Variants in UNC5D observed in about 807,000 individuals in gnomAD.
UNC5D encodes the protein unc-5 netrin receptor D, also known as netrin receptor UNC5D.
Under a neutral mutation model 105.4 loss-of-function variants are expected in UNC5D, and 39 were observed. The observed-to-expected ratio is 0.37, with a 90% CI of 0.29 to 0.48. The LOEUF (loss-of-function observed/expected upper bound fraction) is 0.48, where lower values mean the gene tolerates loss of function less well. Among genes scored for constraint, UNC5D ranks in the 20% least tolerant of loss-of-function variants. The probability of loss-of-function intolerance (pLI) is 0.98; values close to 1 mark genes in which losing one functional copy is unlikely to be tolerated. For synonymous variants in UNC5D, 452 were observed against 450.4 expected (o/e 1.00, Z -0.04); for missense variants, 991 against 1,202.4 (o/e 0.82, Z 2.60).
chr8:35,589,322 ATTAAG>A (rs1391531876), intron 3 of UNC5D, among the ~76,000 whole-genome samples: 5 of 151,874 alleles, frequency 3.3e-5, no homozygotes, highest in South Asian at 4.1e-4. Flanking sequence ...CCCCTATATT[ATTAAG>A]TTATTAGCAA....
At chr8:35,762,295 C>T (rs752223197) in intron 14 of UNC5D, among the ~76,000 whole-genome samples, 9 of 152,070 alleles carry the variant, frequency 5.9e-5, no homozygotes, top group African/African-American at 9.7e-5. Context: ...CTGAGATATG[C>T]GATGAGAGCC....
intron 10 of UNC5D, 138 bp downstream of exon 10, chr8:35,726,667 A>C: frequency 7.5e-7 from 1 of 1,331,992 alleles, no homozygotes; most frequent in Non-Finnish European, 1.0e-6. Context: ...CCACTAGTCC[A>C]CTTGATTTAC....
At chr8:35,598,883 C>T (rs1337273517) in intron 4 of UNC5D, among the ~76,000 whole-genome samples, 2 of 152,122 alleles carry the variant, frequency 1.3e-5, no homozygotes, top group East Asian at 3.9e-4. Flanking sequence ...TGGCTCATGC[C>T]TGTAATCCCA....
chr8:35,253,219 G>A lies in UNC5D; in HGVS notation c.103+17332G>A, dbSNP rs554293362. Among the ~76,000 whole-genome samples the A allele has an allele frequency of 3.9e-5, 6 of 151,994 alleles. No individual in the cohort carries two copies. In the East Asian group the frequency reaches 1.2e-3, roughly 30 times the overall value. On this transcript the variant is annotated intron_variant, in intron 1 of 16. Coordinates refer to ENST00000404895, the MANE Select transcript of UNC5D (RefSeq NM_080872.4). ...TCCCCACTTGTTTTAGGTATCTTCT[G>A]ATGAAGTGGAGTTATTTATGGTATG...
At chr8:35,467,100 A>G (rs1336712997) in intron 1 of UNC5D, among the ~76,000 whole-genome samples, 2 of 152,198 alleles carry the variant, frequency 1.3e-5, no homozygotes, top group African/African-American at 4.8e-5. Flanking sequence ...CATTTGTGAT[A>G]CCTTGTGACG....
intron 4 of UNC5D, among the ~76,000 whole-genome samples, chr8:35,655,543 A>G (rs1314820898): frequency 1.3e-5 from 2 of 152,250 alleles, no homozygotes; most frequent in Admixed American, 6.5e-5. Context: ...CATCTTAATA[A>G]TAAACCTAGT....
chr8:35,601,966 C>T (rs1339437299), intron 4 of UNC5D, among the ~76,000 whole-genome samples: 4 of 152,114 alleles, frequency 2.6e-5, no homozygotes, highest in African/African-American at 7.2e-5. Context: ...TTTTGAGATA[C>T]GTCCCATCAA....
chr8:35,656,121 A>G (rs977278162), intron 4 of UNC5D, among the ~76,000 whole-genome samples: 1 of 151,870 alleles, frequency 6.6e-6, no homozygotes, highest in African/African-American at 2.4e-5. Flanking sequence ...TCTCACATCC[A>G]CTCCTGAGTT....
rs553153328 is a variant in UNC5D at position 35,517,270 on chromosome 8, G to A, written c.104-32022G>A. Among the ~76,000 whole-genome samples, 16 of 152,276 alleles carry A rather than the reference G, an allele frequency of 1.1e-4. No individual in the cohort carries two copies. The South Asian group carries it at 3.1e-3, about 30-fold the overall frequency. On this transcript the variant is annotated intron_variant, in intron 1 of 16. Transcript: ENST00000404895. ...AGTACCTAGACTGTCATTCAATCGT[G>A]TTCAAAGAATTTGGGAACCAGGCAT...
intron 2 of UNC5D, among the ~76,000 whole-genome samples, chr8:35,556,888 C>T (rs986616925): frequency 6.6e-6 from 1 of 152,168 alleles, no homozygotes; most frequent in Non-Finnish European, 1.5e-5. Flanking sequence ...TTTTCCTAGC[C>T]CTCACTCAAA....
chr8:35,268,903 A>G (rs544092386), intron 1 of UNC5D, among the ~76,000 whole-genome samples: 3 of 152,204 alleles, frequency 2.0e-5, no homozygotes, highest in Non-Finnish European at 4.4e-5. Context: ...TTGGGGATCC[A>G]ATAAAAATTA....
rs1803166023 is a variant in UNC5D at position 35,794,146 on chromosome 8, TAA to T, written c.*3586_*3587del. 6.6e-6 allele frequency: 1 copy of T among 152,226 alleles called. No homozygotes were observed. Among genetic ancestry groups the T allele is most frequent in the Non-Finnish European group, 1.5e-5 (1 of 68,040 alleles). 9.4% of individuals were successfully genotyped at this position (152,226 alleles called of 1,614,324 possible). On this transcript the variant is annotated 3_prime_UTR_variant, in exon 17 of 17. Coordinates refer to ENST00000404895, the MANE Select transcript of UNC5D (RefSeq NM_080872.4). ...TTTACCTGTGAATTTCAAAATGTTA[TAA>T]AATCTCTTGATATGCTTTTGTTTTT...
intron 1 of UNC5D, among the ~76,000 whole-genome samples, chr8:35,394,842 G>A (rs1434287890): frequency 6.6e-6 from 1 of 152,118 alleles, no homozygotes; most frequent in Non-Finnish European, 1.5e-5. Flanking sequence ...TTTTCAGGTC[G>A]TGTTAGTAGT....
chr8:35,457,961 C>T (rs142104200), intron 1 of UNC5D, among the ~76,000 whole-genome samples: 45 of 152,200 alleles, frequency 3.0e-4, no homozygotes, highest in Middle Eastern at 3.4e-3. Flanking sequence ...ACAATTTTTT[C>T]GAAGACCTCT....
intron 1 of UNC5D, among the ~76,000 whole-genome samples, chr8:35,439,317 T>C (rs1013154037): frequency 6.6e-6 from 1 of 152,066 alleles, no homozygotes; most frequent in Non-Finnish European, 1.5e-5. Flanking sequence ...TCAGGAAACC[T>C]AAATTTGGGA....
chr8:35,767,789 C>T (rs1642096823), intron 15 of UNC5D, among the ~76,000 whole-genome samples: 1 of 152,174 alleles, frequency 6.6e-6, no homozygotes, highest in African/African-American at 2.4e-5. Flanking sequence ...AAAAAGACAT[C>T]TGATTTCCAT....
chr8:35,261,550 A>T lies in UNC5D; in HGVS notation c.103+25663A>T, dbSNP rs369757430. Among the ~76,000 whole-genome samples the T allele has an allele frequency of 3.4e-4, 52 of 152,196 alleles. 1 individual carries two copies. The highest frequency in any genetic ancestry group is 1.2e-3 in the African/African-American group (48 of 41,514). ...CTAGAGCCAGCCAGAGCTATTTCTC[A>T]ATGGGAGACTCTCAGTGCTCATCTT... On this transcript the variant is annotated intron_variant, in intron 1 of 16. Coordinates refer to ENST00000404895, the MANE Select transcript of UNC5D (RefSeq NM_080872.4).
chr8:35,612,676 A>C (rs990274753), intron 4 of UNC5D, among the ~76,000 whole-genome samples: 2 of 150,534 alleles, frequency 1.3e-5, no homozygotes, highest in African/African-American at 4.9e-5. Flanking sequence ...AGAAATCAAA[A>C]TAATCTTTAC....
chr8:35,474,393 T>C (rs1263188570), intron 1 of UNC5D, among the ~76,000 whole-genome samples: 2 of 152,220 alleles, frequency 1.3e-5, no homozygotes, highest in Non-Finnish European at 2.9e-5. Flanking sequence ...CAGAAGATAA[T>C]ACTTTCTACC....
Sources: gnomAD v4.1 joint callset for allele counts (sites outside exome capture counted in the v4.1 genomes callset) on GRCh38, gnomAD v4.1.1 for gene constraint, MANE v1.5 for transcripts, NCBI Gene and HGNC (gene_info 2026-07-23, HGNC 2026-07-21) for gene names.